The following NKAIN2 variants were observed in gnomAD, a reference collection of about 807,000 sequenced individuals.
The protein encoded by NKAIN2 is sodium/potassium-transporting ATPase subunit beta-1-interacting protein 2.
In NKAIN2, 14 loss-of-function variants were observed where a neutral mutation model predicts 32.6. The observed-to-expected ratio is 0.43, with a 90% CI of 0.28 to 0.67. The LOEUF (loss-of-function observed/expected upper bound fraction) is 0.67. Among genes scored for constraint, NKAIN2 ranks in the 30% least tolerant of loss-of-function variants. NKAIN2 has a pLI of 0.17. For synonymous variants in NKAIN2, 80 were observed against 87.2 expected, an observed-to-expected ratio of 0.92 and a Z score of 0.46; for missense variants, 198 against 258.3, an observed-to-expected ratio of 0.77 and a Z score of 1.60.
chr6:124,299,513 G>A (rs1291101468), intron 2 of NKAIN2, among the ~76,000 whole-genome samples: 2 of 151,930 alleles, frequency 1.3e-5, no homozygotes, highest in Non-Finnish European at 2.9e-5. Context: ...TTTCCTTGAC[G>A]ATTCATGATG....
chr6:124,680,157 C>G (rs1045735057), intron 4 of NKAIN2, among the ~76,000 whole-genome samples: 3 of 151,962 alleles, frequency 2.0e-5, no homozygotes, highest in African/African-American at 7.2e-5. Context: ...TAAGGAAGAA[C>G]CAAAACTTGA....
At chr6:124,688,151 G>T (rs1774080350) in intron 4 of NKAIN2, among the ~76,000 whole-genome samples, 1 of 151,796 alleles carries the variant, frequency 6.6e-6, no homozygotes, top group East Asian at 1.9e-4. Flanking sequence ...CTGCTGTTCT[G>T]CAAGCGTTAA....
At chr6:124,082,907 G>A (rs1784039641) in intron 1 of NKAIN2, among the ~76,000 whole-genome samples, 1 of 151,954 alleles carries the variant, frequency 6.6e-6, no homozygotes, top group African/African-American at 2.4e-5. Context: ...ATTTAGGCAA[G>A]TGATATTACC....
chr6:124,724,710 C>T (rs1432683950), intron 4 of NKAIN2, among the ~76,000 whole-genome samples: 1 of 152,188 alleles, frequency 6.6e-6, no homozygotes, highest in African/African-American at 2.4e-5. Context: ...GATTATGTTT[C>T]ATTAATATGT....
chr6:124,390,278 C>T (rs1438711781), intron 3 of NKAIN2, among the ~76,000 whole-genome samples: 1 of 152,048 alleles, frequency 6.6e-6, no homozygotes, highest in Non-Finnish European at 1.5e-5. Context: ...CAGCAGCACT[C>T]AGGGAGCTTG....
At chr6:124,478,001 A>G (rs2114692328) in intron 3 of NKAIN2, among the ~76,000 whole-genome samples, 1 of 151,890 alleles carries the variant, frequency 6.6e-6, no homozygotes, top group Middle Eastern at 3.4e-3. Context: ...TTATTTGGGG[A>G]TTCTGTCCTG....
At chr6:123,958,239 GA>G (rs372824481) in intron 1 of NKAIN2, among the ~76,000 whole-genome samples, 8,036 of 146,906 alleles carry the variant, frequency 0.055, 617 homozygotes, top group African/African-American at 0.17. Context: ...ATTTTTGAAG[GA>G]AAAAAAAAAA....
chr6:124,291,316 G>A (rs1272483442), intron 2 of NKAIN2, among the ~76,000 whole-genome samples: 1 of 151,478 alleles, frequency 6.6e-6, no homozygotes, highest in African/African-American at 2.4e-5. Context: ...TCAAAATGGC[G>A]TGTCTAAATG....
At chr6:124,204,425 G>A (rs1285444306) in intron 1 of NKAIN2, among the ~76,000 whole-genome samples, 1 of 151,598 alleles carries the variant, frequency 6.6e-6, no homozygotes, top group Non-Finnish European at 1.5e-5. Context: ...CACTTTAAAA[G>A]CATAACTGAC....
rs80117990 is a variant in NKAIN2, at chr6:124,303,587, A to C, written c.192+20445A>C. 5.5e-3 allele frequency among the ~76,000 whole-genome samples: 843 copies of C among 152,298 alleles called. 7 individuals carry two copies. Among genetic ancestry groups the C allele is most frequent in the African/African-American group, 0.019 (809 of 41,556 alleles). Reference sequence around the variant, plus strand: ...GTCAGTACGTGGTCTTCCACTAAGGACAGTAAATGAATAGAAGTAAGGAAG... The same window carrying C: ...GTCAGTACGTGGTCTTCCACTAAGGCCAGTAAATGAATAGAAGTAAGGAAG... On this transcript the variant is annotated intron_variant, in intron 2 of 6. Coordinates refer to ENST00000368417, the MANE Select transcript of NKAIN2 (RefSeq NM_001040214.3).
At chr6:124,591,215 CA>C (rs1722702350) in intron 3 of NKAIN2, among the ~76,000 whole-genome samples, 1 of 152,166 alleles carries the variant, frequency 6.6e-6, no homozygotes, top group South Asian at 2.1e-4. Context: ...ATGATTTAGC[CA>C]AAAGTCTGTT....
rs1554269626 is a variant in NKAIN2, at chr6:124,229,517, T to TAGATAGATAGAG, written c.55-53477_55-53476insGAGATAGATAGA. 7.1e-3 allele frequency among the ~76,000 whole-genome samples: 1,056 copies of TAGATAGATAGAG among 148,544 alleles called. 14 individuals carry two copies. The highest frequency in any genetic ancestry group is 0.026 in the African/African-American group (1,026 of 39,220). Reference sequence around the variant, plus strand: ...ATAGATAGACAGATAGATAGATAGATAGATAGATAGATAGATAGACAGACA... The same window carrying TAGATAGATAGAG: ...ATAGATAGACAGATAGATAGATAGATAGATAGATAGAGAGATAGATAGATAGATAGACAGACA... On this transcript the variant is annotated intron_variant, in intron 1 of 6. Coordinates refer to ENST00000368417, the MANE Select transcript of NKAIN2 (RefSeq NM_001040214.3).
intron 4 of NKAIN2, among the ~76,000 whole-genome samples, chr6:124,712,173 GT>G (rs1775513806): frequency 6.6e-6 from 1 of 150,868 alleles, no homozygotes; most frequent in Non-Finnish European, 1.5e-5. Context: ...CAGTCTGCCC[GT>G]TCTCAGATCT....
At chr6:124,219,718 G>T (rs1290952194) in intron 1 of NKAIN2, among the ~76,000 whole-genome samples, 1 of 152,112 alleles carries the variant, frequency 6.6e-6, no homozygotes, top group Non-Finnish European at 1.5e-5. Context: ...TAGGAAGAAG[G>T]TATTTCCTGA....
intron 1 of NKAIN2, among the ~76,000 whole-genome samples, chr6:123,948,059 T>C (rs1203839703): frequency 6.6e-6 from 1 of 152,138 alleles, no homozygotes; most frequent in African/African-American, 2.4e-5. Context: ...CATAATATTT[T>C]CCAGTTTTGT....
intron 3 of NKAIN2, among the ~76,000 whole-genome samples, chr6:124,479,887 A>G (rs118021131): frequency 1.3e-5 from 2 of 152,310 alleles, no homozygotes; most frequent in East Asian, 3.9e-4. Context: ...AGATAAATGT[A>G]TTAGACCTAA....
At chr6:124,157,045 G>C (rs1788020584) in intron 1 of NKAIN2, among the ~76,000 whole-genome samples, 1 of 142,656 alleles carries the variant, frequency 7.0e-6, no homozygotes, top group African/African-American at 2.6e-5. Flanking sequence ...AGAGGTTGCA[G>C]TGAGCCGAGA....
chr6:124,002,583 G>A (rs1779924666), intron 1 of NKAIN2, among the ~76,000 whole-genome samples: 1 of 151,812 alleles, frequency 6.6e-6, no homozygotes. Context: ...GACTGCTTTG[G>A]CCATAGACTA....
At chr6:123,995,646 C>G (rs964206753) in intron 1 of NKAIN2, among the ~76,000 whole-genome samples, 1 of 152,148 alleles carries the variant, frequency 6.6e-6, no homozygotes, top group Non-Finnish European at 1.5e-5. Flanking sequence ...TCAGCTCCAT[C>G]AGGTAAAAGT....
Sources: gnomAD v4.1 joint callset for allele counts (sites outside exome capture counted in the v4.1 genomes callset) on GRCh38, gnomAD v4.1.1 for gene constraint, MANE v1.5 for transcripts, NCBI Gene and HGNC (gene_info 2026-07-23, HGNC 2026-07-21) for gene names.